Variants in OPCML observed in about 807,000 individuals in gnomAD.
OPCML encodes the protein opioid binding protein/cell adhesion molecule like.
In OPCML, 13 loss-of-function variants were observed where a neutral mutation model predicts 37.8. That is an observed-to-expected ratio of 0.34 (90% CI 0.22 to 0.55). The LOEUF (loss-of-function observed/expected upper bound fraction) is 0.55. Among genes scored for constraint, OPCML ranks in the 20% least tolerant of loss-of-function variants. The pLI, the probability that OPCML is intolerant of heterozygous loss-of-function variation, is 0.91. For synonymous variants in OPCML, 176 were observed against 168.8 expected, an observed-to-expected ratio of 1.04 and a Z score of -0.33; for missense variants, 341 against 435.6, an observed-to-expected ratio of 0.78 and a Z score of 1.93.
At chr11:132,996,447 T>C (rs1195034179) in intron 1 of OPCML, among the ~76,000 whole-genome samples, 13 of 142,124 alleles carry the variant, frequency 9.1e-5, no homozygotes, top group African/African-American at 3.2e-4. Context: ...TGAAACCCCA[T>C]CTCTACTAAA....
At chr11:133,353,575 G>C (rs893621153) in intron 1 of OPCML, among the ~76,000 whole-genome samples, 3 of 152,168 alleles carry the variant, frequency 2.0e-5, no homozygotes, top group African/African-American at 7.2e-5. Context: ...CAGATGATGG[G>C]AAAGGAATCA....
At chr11:133,254,713 G>T (rs1941254181) in intron 1 of OPCML, among the ~76,000 whole-genome samples, 1 of 152,186 alleles carries the variant, frequency 6.6e-6, no homozygotes, top group Non-Finnish European at 1.5e-5. Context: ...TAAATGGACA[G>T]CTTTAAACTT....
At chr11:132,904,685 G>A (rs376597668) in intron 2 of OPCML, among the ~76,000 whole-genome samples, 1 of 152,136 alleles carries the variant, frequency 6.6e-6, no homozygotes, top group African/African-American at 2.4e-5. Flanking sequence ...AAGAAATATC[G>A]CAGAAGCCTG....
rs1035239657 is a variant in OPCML at position 133,024,563 on chromosome 11, A to C, written c.62-81553T>G. The C allele has an allele frequency of 5.1e-6, 5 of 985,164 alleles. No homozygotes were observed. The Admixed American group carries it at 2.5e-4, about 48-fold the overall frequency. 61.0% of individuals were successfully genotyped at this position (985,164 alleles called of 1,614,324 possible). A position where few individuals can be genotyped will look rare whatever the true frequency, so the allele number is the denominator to read the frequency against. ...CCTTTGCACGTAATTCATGTACAACAAAGAACTACACAGGGATTTTTGCCC... is the reference window on the plus strand; with the variant it reads ...CCTTTGCACGTAATTCATGTACAACCAAGAACTACACAGGGATTTTTGCCC... On this transcript the variant is annotated intron_variant, in intron 1 of 7. Coordinates refer to ENST00000524381, the MANE Select transcript of OPCML (RefSeq NM_001012393.5).
At chr11:133,180,922 T>C (rs1268490890) in intron 1 of OPCML, among the ~76,000 whole-genome samples, 2 of 151,772 alleles carry the variant, frequency 1.3e-5, no homozygotes, top group Non-Finnish European at 2.9e-5. Flanking sequence ...ATGCAAGTGT[T>C]ATGTAGCAAC....
chr11:133,179,451 A>G (rs1253642745), intron 1 of OPCML, among the ~76,000 whole-genome samples: 1 of 151,574 alleles, frequency 6.6e-6, no homozygotes, highest in Admixed American at 6.6e-5. Context: ...TCGGGAGGAG[A>G]CTCCTCACCA....
intron 7 of OPCML, among the ~76,000 whole-genome samples, chr11:132,433,712 T>C (rs913460293): frequency 1.3e-5 from 2 of 152,134 alleles, no homozygotes; most frequent in Non-Finnish European, 2.9e-5. Flanking sequence ...CCTGATCCAA[T>C]ATAGTTACTG....
chr11:133,442,799 G>GA (rs1412260693), intron 1 of OPCML, among the ~76,000 whole-genome samples: 6 of 148,674 alleles, frequency 4.0e-5, no homozygotes, highest in South Asian at 2.1e-4. Flanking sequence ...GAAGAAAGAA[G>GA]AAAAAAGCTT....
At chr11:132,505,649 T>G (rs1208847523) in intron 4 of OPCML, among the ~76,000 whole-genome samples, 1 of 152,048 alleles carries the variant, frequency 6.6e-6, no homozygotes, top group Non-Finnish European at 1.5e-5. Flanking sequence ...TAAATCTCCA[T>G]CAGAAGTAAA....
chr11:132,906,119 C>G (rs528860662), intron 2 of OPCML, among the ~76,000 whole-genome samples: 48 of 152,178 alleles, frequency 3.2e-4, no homozygotes, highest in Admixed American at 7.2e-4. Flanking sequence ...TTTCGACATT[C>G]TCTTTCCCTC....
chr11:133,338,330 A>G (rs1943787578), intron 1 of OPCML, among the ~76,000 whole-genome samples: 1 of 152,074 alleles, frequency 6.6e-6, no homozygotes, highest in Admixed American at 6.6e-5. Flanking sequence ...GGCCCTGGTG[A>G]CTGACCCAGG....
At chr11:132,944,449 C>T (rs1023220905) in intron 1 of OPCML, among the ~76,000 whole-genome samples, 2 of 152,160 alleles carry the variant, frequency 1.3e-5, no homozygotes, top group Non-Finnish European at 2.9e-5. Context: ...AGGTGGAGTG[C>T]ACCCACCTCC....
At chr11:133,421,699 G>A (rs1010766077) in intron 1 of OPCML, 36 of 984,436 alleles carry the variant, frequency 3.7e-5, no homozygotes, top group Non-Finnish European at 4.3e-5. Context: ...CTTCCTTATT[G>A]TGTATTAAGG....
At chr11:133,210,719 G>A (rs573400781) in intron 1 of OPCML, among the ~76,000 whole-genome samples, 3 of 152,100 alleles carry the variant, frequency 2.0e-5, no homozygotes, top group Non-Finnish European at 4.4e-5. Context: ...AAGGTGGAAT[G>A]AAGCTCTTTT....
chr11:132,681,886 T>A (rs966483353), intron 2 of OPCML, among the ~76,000 whole-genome samples: 3 of 148,700 alleles, frequency 2.0e-5, no homozygotes, highest in Non-Finnish European at 4.5e-5. Context: ...ACCCGGGAGG[T>A]GGAGCTTGCA....
chr11:132,471,389 C>T (rs2096137579), intron 4 of OPCML, among the ~76,000 whole-genome samples: 1 of 152,188 alleles, frequency 6.6e-6, no homozygotes, highest in Admixed American at 6.5e-5. Context: ...TAGTTTAAAA[C>T]AACAGTAATC....
chr11:132,560,795 T>C (rs142610550), intron 3 of OPCML, among the ~76,000 whole-genome samples: 176 of 152,322 alleles, frequency 1.2e-3, no homozygotes, highest in Non-Finnish European at 2.1e-3. Context: ...TCTTGAGTTC[T>C]TTGTACATTC....
chr11:133,069,803 T>C (rs143197808), intron 1 of OPCML, among the ~76,000 whole-genome samples: 38 of 152,250 alleles, frequency 2.5e-4, no homozygotes, highest in African/African-American at 8.2e-4. Context: ...ATAATAATTA[T>C]CATGATAGAA....
chr11:133,005,364 G>C, intron 1 of OPCML: 1 of 985,384 alleles, frequency 1.0e-6, no homozygotes. Context: ...GACACATACA[G>C]CAAATGCCGT....
Sources: allele counts gnomAD v4.1 joint callset (sites outside exome capture counted in the v4.1 genomes callset), GRCh38; gene constraint gnomAD v4.1.1; transcripts MANE v1.5; gene names NCBI Gene and HGNC (gene_info 2026-07-23, HGNC 2026-07-21).